VRK1: variants seen among roughly 807,000 people sequenced by gnomAD.
VRK1 encodes the protein VRK serine/threonine kinase 1.
Under a neutral mutation model 57.1 loss-of-function variants are expected in VRK1, and 33 were observed. The ratio of observed to expected loss-of-function variants is 0.58; its 90% confidence interval spans 0.44 to 0.77. VRK1 has a LOEUF of 0.77. Among genes scored for constraint, VRK1 ranks in the 30% least tolerant of loss-of-function variants. The pLI is 0.00. For missense variants in VRK1, 413 were observed against 477.3 expected (o/e 0.87, Z 1.25); for synonymous variants, 137 against 147.8 (o/e 0.93, Z 0.53).
At chr14:96,815,241 T>G (rs1886347929) in intron 1 of VRK1, among the ~76,000 whole-genome samples, 1 of 152,166 alleles carries the variant, frequency 6.6e-6, no homozygotes, top group Admixed American at 6.5e-5. Flanking sequence ...TGAAGCTGAG[T>G]CTATTTGTTA....
chr14:96,814,164 A>C (rs1342449099), intron 1 of VRK1, among the ~76,000 whole-genome samples: 1 of 152,206 alleles, frequency 6.6e-6, no homozygotes, highest in African/African-American at 2.4e-5. Context: ...TGATCATATT[A>C]ATGTAAGAAC....
chr14:96,815,479 A>C (rs1275832018), intron 1 of VRK1, among the ~76,000 whole-genome samples: 1 of 152,168 alleles, frequency 6.6e-6, no homozygotes, highest in Non-Finnish European at 1.5e-5. Flanking sequence ...GATACCTTAT[A>C]TTGTTTGGGC....
At chr14:96,807,719 T>A (rs1175299145) in intron 1 of VRK1, among the ~76,000 whole-genome samples, 4 of 152,234 alleles carry the variant, frequency 2.6e-5, no homozygotes, top group African/African-American at 4.8e-5. Context: ...TCATCCTGTT[T>A]GTATGCATTA....
At chr14:96,836,351 C>T (rs992148937) in intron 2 of VRK1, among the ~76,000 whole-genome samples, 4 of 151,992 alleles carry the variant, frequency 2.6e-5, no homozygotes, top group Non-Finnish European at 5.9e-5. Context: ...AATGGCTCCC[C>T]ATCTTATTCA....
intron 3 of VRK1, among the ~76,000 whole-genome samples, chr14:96,840,055 G>GT (rs1566700682): frequency 6.6e-6 from 1 of 152,166 alleles, no homozygotes; most frequent in East Asian, 1.9e-4. Context: ...TTGGTCTTTC[G>GT]TTTTTTTCCC....
chr14:96,848,999 G>A (rs989899331), intron 5 of VRK1, among the ~76,000 whole-genome samples: 5 of 152,154 alleles, frequency 3.3e-5, no homozygotes, highest in Non-Finnish European at 5.9e-5. Flanking sequence ...CCCAATGGCC[G>A]TCTTCCTGTA....
At chr14:96,849,242 G>GA (rs1451648732) in intron 5 of VRK1, among the ~76,000 whole-genome samples, 1 of 152,064 alleles carries the variant, frequency 6.6e-6, no homozygotes, top group Non-Finnish European at 1.5e-5. Flanking sequence ...AGTAAGACAA[G>GA]AAAAACCCTT....
At chr14:96,838,916 CATA>C (rs1887335853) in intron 3 of VRK1, among the ~76,000 whole-genome samples, 1 of 151,642 alleles carries the variant, frequency 6.6e-6, no homozygotes, top group African/African-American at 2.4e-5. Flanking sequence ...CGGGGAAATA[CATA>C]GATATAAAAT....
At chr14:96,824,943 G>A (rs141768552) in intron 1 of VRK1, among the ~76,000 whole-genome samples, 16 of 152,186 alleles carry the variant, frequency 1.1e-4, no homozygotes, top group East Asian at 1.9e-4. Context: ...GTGAGCCACC[G>A]CACCCGGCCA....
chr14:96,810,085 G>A (rs1886112102), intron 1 of VRK1, among the ~76,000 whole-genome samples: 1 of 152,112 alleles, frequency 6.6e-6, no homozygotes, highest in Non-Finnish European at 1.5e-5. Flanking sequence ...GATAATTTGA[G>A]CACTTCTTCA....
intron 12 of VRK1, 95 bp from the exon 13 acceptor site, chr14:96,881,082 T>A: frequency 1.8e-5 from 19 of 1,044,290 alleles, no homozygotes; most frequent in East Asian, 2.6e-5. Context: ...GATTTTAAAA[T>A]GTTAATAACT....
chr14:96,874,613 A>G (rs1338216466), intron 11 of VRK1, among the ~76,000 whole-genome samples: 2 of 152,214 alleles, frequency 1.3e-5, no homozygotes, highest in African/African-American at 4.8e-5. Flanking sequence ...AAGTTTCTCA[A>G]GGTTCAGTCA....
In VRK1 at chr14:96,846,257, C is replaced by T. The variant is rs113825300; in HGVS notation, c.286+93C>T. On this transcript the variant is annotated intron_variant, in intron 4 of 12. Transcript: ENST00000216639. ...TAGAGCATTGTATCTTATTTTATGA[C>T]TCTTTGTTATTTTTTTGCTTTATAA... 6.0e-4 allele frequency: 740 copies of T among 1,240,678 alleles called. 5 individuals carry two copies. In the African/African-American group the frequency reaches 9.2e-3, roughly 15 times the overall value. 76.9% of individuals were successfully genotyped at this position (1,240,678 alleles called of 1,614,324 possible).
intron 1 of VRK1, among the ~76,000 whole-genome samples, chr14:96,797,946 G>A (rs1193826850): frequency 1.3e-5 from 2 of 152,238 alleles, no homozygotes; most frequent in African/African-American, 4.8e-5. Flanking sequence ...CGGGCTAGAG[G>A]AATGGGGGCG....
chr14:96,805,337 T>G (rs1885829053), intron 1 of VRK1, among the ~76,000 whole-genome samples: 1 of 152,216 alleles, frequency 6.6e-6, no homozygotes, highest in Non-Finnish European at 1.5e-5. Context: ...AAGGATACAC[T>G]AGAAACCTAG....
chr14:96,853,919 T>G (rs1888048628), intron 7 of VRK1, among the ~76,000 whole-genome samples: 1 of 152,114 alleles, frequency 6.6e-6, no homozygotes, highest in African/African-American at 2.4e-5. Flanking sequence ...TTATTGTAAT[T>G]ATTTGTCAGT....
chr14:96,849,300 A>G (rs1286957536), intron 5 of VRK1, among the ~76,000 whole-genome samples: 1 of 152,184 alleles, frequency 6.6e-6, no homozygotes, highest in African/African-American at 2.4e-5. Flanking sequence ...GTGCTCCAGT[A>G]TACAATAGTT....
intron 4 of VRK1, 23 bp downstream of exon 4, chr14:96,846,187 G>A (rs755583085): frequency 1.2e-5 from 19 of 1,610,290 alleles, no homozygotes; most frequent in African/African-American, 2.7e-5. Context: ...GTACACATAC[G>A]TTTACACTTT....
chr14:96,798,129 G>A (rs184250974), intron 1 of VRK1, among the ~76,000 whole-genome samples: 1 of 152,310 alleles, frequency 6.6e-6, no homozygotes. Context: ...GTACTTGAGG[G>A]TCTGTCTGGT....
Sources: gnomAD v4.1 joint callset for allele counts (sites outside exome capture counted in the v4.1 genomes callset) on GRCh38, gnomAD v4.1.1 for gene constraint, MANE v1.5 for transcripts, NCBI Gene and HGNC (gene_info 2026-07-23, HGNC 2026-07-21) for gene names.